MICU1: variants seen among roughly 807,000 people sequenced by gnomAD.
The protein encoded by MICU1 is calcium uptake protein 1, mitochondrial.
MICU1 carries 45 observed loss-of-function variants against 56.8 expected under a neutral mutation model. That is an observed-to-expected ratio of 0.79 (90% CI 0.62 to 1.02). MICU1 has a LOEUF of 1.02. Among genes scored for constraint, MICU1 ranks in the 50% least tolerant of loss-of-function variants. MICU1 has a pLI of 0.00. For missense variants in MICU1, 504 were observed against 587.1 expected (o/e 0.86, Z 1.46); for synonymous variants, 186 against 195.1 (o/e 0.95, Z 0.39).
At chr10:72,508,327 A>C (rs565802578) in intron 5 of MICU1, 58 bp from the exon 6 acceptor site, 2 of 686,080 alleles carry the variant, frequency 2.9e-6, no homozygotes, top group East Asian at 5.7e-5. Context: ...TTAGAATATA[A>C]ATAGTAAGAG....
At chr10:72,418,441 A>G (rs1446370068) in intron 9 of MICU1, among the ~76,000 whole-genome samples, 1 of 152,174 alleles carries the variant, frequency 6.6e-6, no homozygotes, top group East Asian at 1.9e-4. Context: ...GCACTTTCTT[A>G]AGGAAAAGAC....
chr10:72,378,854 C>T (rs766495021), intron 10 of MICU1, among the ~76,000 whole-genome samples: 4 of 152,138 alleles, frequency 2.6e-5, no homozygotes, highest in Non-Finnish European at 5.9e-5. Flanking sequence ...GCTGAGGCGG[C>T]TTACTAGCAC....
At chr10:72,624,854 A>G (rs964439475) in intron 1 of MICU1, among the ~76,000 whole-genome samples, 51 of 152,324 alleles carry the variant, frequency 3.3e-4, no homozygotes, top group African/African-American at 1.2e-3. Context: ...ACAAGTGGCA[A>G]TGGGTTCTAA....
intron 1 of MICU1, among the ~76,000 whole-genome samples, chr10:72,608,552 A>C (rs1169099203): frequency 6.6e-6 from 1 of 152,254 alleles, no homozygotes; most frequent in Non-Finnish European, 1.5e-5. Flanking sequence ...ATAATGAGGT[A>C]CTATTCACAC....
intron 6 of MICU1, among the ~76,000 whole-genome samples, chr10:72,479,271 C>T (rs1018024724): frequency 2.0e-5 from 3 of 152,120 alleles, no homozygotes; most frequent in African/African-American, 7.2e-5. Context: ...TGTTCCAAGG[C>T]CTCTAATGTG....
intron 3 of MICU1, among the ~76,000 whole-genome samples, chr10:72,553,424 G>A (rs1840085164): frequency 6.6e-6 from 1 of 151,978 alleles, no homozygotes; most frequent in African/African-American, 2.4e-5. Context: ...TAGTAGAGGT[G>A]GGGTTTCACC....
chr10:72,548,025 G>A (rs1249061972), intron 4 of MICU1, among the ~76,000 whole-genome samples: 1 of 152,222 alleles, frequency 6.6e-6, no homozygotes, highest in Non-Finnish European at 1.5e-5. Context: ...TCAGCAGTAA[G>A]TGTTAATGCC....
intron 8 of MICU1, among the ~76,000 whole-genome samples, chr10:72,470,250 C>A (rs1026513301): frequency 1.3e-5 from 2 of 152,282 alleles, no homozygotes; most frequent in East Asian, 3.9e-4. Flanking sequence ...CTGCTAGTCA[C>A]GCTTCCTCAA....
intron 1 of MICU1, among the ~76,000 whole-genome samples, chr10:72,603,158 C>T (rs890018128): frequency 2.6e-5 from 4 of 151,806 alleles, no homozygotes; most frequent in Admixed American, 2.6e-4. Context: ...AAGGCCAAGG[C>T]GGGTGATCAC....
rs559595699 is a variant in MICU1, at chr10:72,569,715, C to T, written c.-1-2921G>A. The stretch of plus-strand genomic sequence containing the variant: ...TGAGACACCCCCAAAACCATAGGAT[C>T]ATTTCGGGCACCTCCATCCAGAGAA... On this transcript the variant is annotated intron_variant, in intron 1 of 11. Coordinates refer to ENST00000361114, the MANE Select transcript of MICU1 (RefSeq NM_001195518.2). Among the ~76,000 whole-genome samples, 6 of 152,184 alleles carry T rather than the reference C, an allele frequency of 3.9e-5. No homozygotes were observed. The South Asian group carries it at 1.2e-3, about 32-fold the overall frequency.
intron 5 of MICU1, among the ~76,000 whole-genome samples, chr10:72,514,856 A>G: frequency 6.6e-6 from 1 of 152,184 alleles, no homozygotes; most frequent in African/African-American, 2.4e-5. Context: ...TATATGGTGA[A>G]GCATTTCAAA....
chr10:72,569,594 A>G (rs957784583), intron 1 of MICU1, among the ~76,000 whole-genome samples: 27 of 152,062 alleles, frequency 1.8e-4, no homozygotes, highest in African/African-American at 6.0e-4. Flanking sequence ...ACTACAAATA[A>G]AAAAGATAAA....
Position 72,563,708 on chromosome 10 carries a change from CAT to C in MICU1, c.162-647_162-646del, listed in dbSNP as rs1336017633. ...ACTGCATATTTTAAAATGGTGAAGA[CAT>C]GTGACAGAAGCCCTCATCCACACGT... On this transcript the variant is annotated intron_variant, in intron 2 of 11. Transcript: ENST00000361114. Among the ~76,000 whole-genome samples the C allele has an allele frequency of 2.6e-5, 4 of 152,298 alleles. No individual in the cohort carries two copies. In the South Asian group the frequency reaches 8.3e-4, roughly 32 times the overall value.
intron 1 of MICU1, among the ~76,000 whole-genome samples, chr10:72,585,979 CATTGT>C (rs1401032531): frequency 7.5e-6 from 1 of 133,158 alleles, no homozygotes; most frequent in East Asian, 2.1e-4. Flanking sequence ...TATAACTTTT[CATTGT>C]ATTGTTTTTA....
chr10:72,380,601 A>G (rs961760811), intron 10 of MICU1, among the ~76,000 whole-genome samples: 1 of 152,200 alleles, frequency 6.6e-6, no homozygotes, highest in Non-Finnish European at 1.5e-5. Context: ...AAGTGATGAG[A>G]GCCCAAATGT....
At chr10:72,448,173 G>GTGTGTGTGTATATATATA (rs1393436881) in intron 8 of MICU1, among the ~76,000 whole-genome samples, 1 of 77,164 alleles carries the variant, frequency 1.3e-5, no homozygotes, top group African/African-American at 4.8e-5. Context: ...ATATGTGTGT[G>GTGTGTGTGTATATATATA]TATATATATA....
intron 9 of MICU1, among the ~76,000 whole-genome samples, chr10:72,417,669 CTT>C (rs748520563): frequency 4.1e-4 from 63 of 152,240 alleles, no homozygotes; most frequent in Admixed American, 7.2e-4. Context: ...TCAGAAAACT[CTT>C]TGTTAAATAA....
intron 3 of MICU1, among the ~76,000 whole-genome samples, chr10:72,557,359 A>G (rs557558328): frequency 6.6e-6 from 1 of 152,306 alleles, no homozygotes; most frequent in East Asian, 1.9e-4. Flanking sequence ...GGGAAAGCGC[A>G]TTGAAAAACC....
At chr10:72,413,504 G>A (rs935373497) in intron 9 of MICU1, among the ~76,000 whole-genome samples, 1 of 152,164 alleles carries the variant, frequency 6.6e-6, no homozygotes, top group African/African-American at 2.4e-5. Flanking sequence ...ACACCAAGGC[G>A]GGTGGATCAC....
Sources: allele counts gnomAD v4.1 joint callset (sites outside exome capture counted in the v4.1 genomes callset), GRCh38; gene constraint gnomAD v4.1.1; transcripts MANE v1.5; gene names NCBI Gene and HGNC (gene_info 2026-07-23, HGNC 2026-07-21).